The following SLCO3A1 variants were observed in gnomAD, a reference collection of about 807,000 sequenced individuals.
SLCO3A1 encodes the protein solute carrier organic anion transporter family member 3A1, also known as PGE1 transporter.
SLCO3A1 carries 27 observed loss-of-function variants against 63.1 expected under a neutral mutation model. The ratio of observed to expected loss-of-function variants is 0.43; its 90% CI spans 0.32 to 0.59. SLCO3A1 has a LOEUF of 0.59. Among genes scored for constraint, SLCO3A1 ranks in the 20% least tolerant of loss-of-function variants. The pLI is 0.09. For missense variants in SLCO3A1, 773 were observed against 945.8 expected (o/e 0.82, Z 2.40); for synonymous variants, 473 against 409.9 (o/e 1.15, Z -1.86).
rs1221861887 is a variant in SLCO3A1 at position 91,880,097 on chromosome 15, G to GTATCCGTC, written c.180+26010_180+26011insATCCGTCT. 3.0e-5 allele frequency among the ~76,000 whole-genome samples: 3 copies of GTATCCGTC among 99,368 alleles called. No homozygotes were observed. The East Asian group carries it at 1.7e-3, about 55-fold the overall frequency. The allele number at this position is 99,368 out of a possible 152,430, so 65.2% of individuals were successfully genotyped here. A position where few individuals can be genotyped will look rare whatever the true frequency, so the allele number is the denominator to read the frequency against. On this transcript the variant is annotated intron_variant, in intron 1 of 9. Coordinates refer to ENST00000318445, the MANE Select transcript of SLCO3A1 (RefSeq NM_013272.4). ...TATGCTCCTCAACCTGCTTGTATGT[G>GTATCCGTC]TGTCCGTCCGTCCGTCCGTCCGTCC...
At chr15:91,969,877 C>G (rs1056636286) in intron 2 of SLCO3A1, among the ~76,000 whole-genome samples, 5 of 152,112 alleles carry the variant, frequency 3.3e-5, no homozygotes, top group African/African-American at 1.2e-4. Context: ...GTAGGGTGAG[C>G]CCTTTGCATT....
intron 2 of SLCO3A1, among the ~76,000 whole-genome samples, chr15:91,979,970 G>A (rs937629277): frequency 6.6e-6 from 1 of 152,292 alleles, no homozygotes; most frequent in South Asian, 2.1e-4. Flanking sequence ...ACTTAAGCAA[G>A]CAAAGAAAAC....
intron 8 of SLCO3A1, 23 bp from the exon 9 acceptor site, chr15:92,150,927 T>TTC: frequency 1.3e-6 from 2 of 1,583,646 alleles, no homozygotes; most frequent in Non-Finnish European, 1.7e-6. Flanking sequence ...GTTTTTTTTT[T>TTC]CTCTTCATCT....
intron 2 of SLCO3A1, among the ~76,000 whole-genome samples, chr15:92,064,579 T>C (rs192262233): frequency 6.6e-6 from 1 of 152,286 alleles, no homozygotes; most frequent in East Asian, 1.9e-4. Flanking sequence ...GTTTCAAGTC[T>C]TACATTCAAA....
chr15:92,127,663 C>G (rs1279232155), intron 6 of SLCO3A1, among the ~76,000 whole-genome samples: 2 of 152,228 alleles, frequency 1.3e-5, no homozygotes, highest in Non-Finnish European at 2.9e-5. Context: ...TACACTCACT[C>G]TACCCTTTTG....
intron 2 of SLCO3A1, among the ~76,000 whole-genome samples, chr15:91,920,640 T>C (rs77581446): frequency 3.3e-5 from 5 of 152,170 alleles, no homozygotes; most frequent in Admixed American, 3.3e-4. Context: ...TTTCCAGCAG[T>C]GTGGGCGCCA....
In SLCO3A1 at chr15:92,147,054, C is replaced by T; in HGVS notation, c.1583C>T (p.Pro528Leu). The T allele has an allele frequency of 6.2e-7, 1 of 1,614,158 alleles. No individual in the cohort carries two copies. The highest frequency in any genetic ancestry group is 8.5e-7 in the Non-Finnish European group (1 of 1,180,026). Residue 528 changes from proline (P) to leucine (L), a missense_variant, in exon 8 of 10, where the codon CCC becomes CTC. Physicochemically the swap from Pro to Leu is moderately conservative, Grantham distance 98. Coordinates refer to ENST00000318445, the MANE Select transcript of SLCO3A1 (RefSeq NM_013272.4). ...GCAACCGTGGTTCCTGGAAAATGCC[C>T]CAGTCCTGGGTGCCAAGAGGCCTTC... is the stretch of plus-strand genomic sequence containing the variant. ...ENATVVPGKC[P>L]SPGCQEAFLT...
intron 1 of SLCO3A1, among the ~76,000 whole-genome samples, chr15:91,873,356 G>A (rs191285977): frequency 5.7e-4 from 87 of 152,284 alleles, no homozygotes; most frequent in African/African-American, 1.9e-3. Flanking sequence ...ATTTCAGACT[G>A]ACAGCAACCC....
intron 1 of SLCO3A1, chr15:91,889,008 T>TAAA (rs35585843): frequency 2.5e-3 from 850 of 334,376 alleles, no homozygotes; most frequent in Non-Finnish European, 2.9e-3. Flanking sequence ...AGACTGTCTC[T>TAAA]AAAAAAAAAA....
rs375733540 is a variant in SLCO3A1, at chr15:92,162,845, G to A, written c.1843G>A (p.Val615Ile). The change falls in exon 10 of 10, where the codon GTC (valine) becomes ATC (isoleucine). Residue 615 changes from valine to isoleucine, a missense_variant. Val to Ile is a conservative substitution (Grantham distance 29). Transcript: ENST00000318445. Reference protein sequence around the residue: ...STFCGEQGACVLYDNVVYRYL... With the variant: ...STFCGEQGACILYDNVVYRYL... ...GTTCTGTGGGGAGCAAGGCGCCTGC[G>A]TCCTCTACGACAATGTGGTCTACCG... 23 of 1,614,036 alleles carry A rather than the reference G, an allele frequency of 1.4e-5. No homozygotes were observed. Among genetic ancestry groups the A allele is most frequent in the East Asian group, 4.5e-5 (2 of 44,890 alleles).
At chr15:91,857,837 T>A (rs1896962525) in intron 1 of SLCO3A1, among the ~76,000 whole-genome samples, 1 of 152,160 alleles carries the variant, frequency 6.6e-6, no homozygotes, top group Admixed American at 6.5e-5. Context: ...TACAAATACA[T>A]TTGAATTTCC....
intron 4 of SLCO3A1, among the ~76,000 whole-genome samples, chr15:92,115,414 G>A (rs1419347017): frequency 1.3e-5 from 2 of 152,072 alleles, no homozygotes; most frequent in Non-Finnish European, 2.9e-5. Context: ...TATCCCCATG[G>A]CTCTGAGGAA....
At chr15:92,121,325 A>G (rs918694819) in intron 5 of SLCO3A1, among the ~76,000 whole-genome samples, 1 of 152,238 alleles carries the variant, frequency 6.6e-6, no homozygotes, top group Non-Finnish European at 1.5e-5. Flanking sequence ...TGTTGAGTTA[A>G]TCAGCTGAGA....
chr15:91,907,355 G>A (rs1437164778), intron 1 of SLCO3A1, among the ~76,000 whole-genome samples: 2 of 151,868 alleles, frequency 1.3e-5, no homozygotes, highest in African/African-American at 2.4e-5. Flanking sequence ...ACAGGCACCC[G>A]CCACCAAGCC....
intron 7 of SLCO3A1, among the ~76,000 whole-genome samples, chr15:92,130,068 T>C (rs1232349472): frequency 6.6e-6 from 1 of 152,220 alleles, no homozygotes; most frequent in Non-Finnish European, 1.5e-5. Context: ...TCAGTCTCGG[T>C]TATTGTCCTG....
chr15:91,880,170 C>CTATCTATCTATCTATCTATCTATCT (rs1567168784), intron 1 of SLCO3A1, among the ~76,000 whole-genome samples: 1 of 126,184 alleles, frequency 7.9e-6, no homozygotes, highest in African/African-American at 3.2e-5. Context: ...TCCATCCATC[C>CTATCTATCTATCTATCTATCTATCT]ATCTATCTAT....
chr15:92,017,294 G>A (rs186982207), intron 2 of SLCO3A1, among the ~76,000 whole-genome samples: 3 of 151,778 alleles, frequency 2.0e-5, no homozygotes, highest in Non-Finnish European at 4.4e-5. Flanking sequence ...TTGGGGGGGG[G>A]TAGGGAAAGA....
intron 2 of SLCO3A1, among the ~76,000 whole-genome samples, chr15:91,970,359 G>T (rs370814655): frequency 3.3e-5 from 5 of 152,326 alleles, no homozygotes; most frequent in African/African-American, 1.2e-4. Flanking sequence ...CCAAGCCTGG[G>T]CAGTTTGGGC....
chr15:92,094,747 C>G, intron 2 of SLCO3A1, 134 bp from the exon 3 acceptor site: 5 of 604,784 alleles, frequency 8.3e-6, no homozygotes, highest in Non-Finnish European at 1.5e-5. Context: ...CAGCCTTTCC[C>G]CTCTAGGATT....
Sources: allele counts gnomAD v4.1 joint callset (sites outside exome capture counted in the v4.1 genomes callset), GRCh38; gene constraint gnomAD v4.1.1; transcripts MANE v1.5; gene names NCBI Gene and HGNC (gene_info 2026-07-23, HGNC 2026-07-21).